ZPLD1: variants seen among roughly 807,000 people sequenced by gnomAD.
The protein encoded by ZPLD1 is zona pellucida like domain containing 1.
In ZPLD1, 34 loss-of-function variants were observed where a neutral mutation model predicts 47.2. That is an observed-to-expected ratio of 0.72 (90% CI 0.55 to 0.96). The LOEUF is 0.96. Among genes scored for constraint, ZPLD1 ranks in the 40% least tolerant of loss-of-function variants. The pLI is 0.00. For synonymous variants in ZPLD1, 176 were observed against 186.2 expected (o/e 0.95, Z 0.45); for missense variants, 512 against 505.8 (o/e 1.01, Z -0.12).
chr3:102,442,528 A>G (rs1342603046), intron 3 of ZPLD1, among the ~76,000 whole-genome samples: 1 of 152,154 alleles, frequency 6.6e-6, no homozygotes, highest in Non-Finnish European at 1.5e-5. Flanking sequence ...AGAAGATCAG[A>G]GTGAGCAAAT....
chr3:102,472,380 A>G (rs1707698824), intron 10 of ZPLD1, among the ~76,000 whole-genome samples: 1 of 152,122 alleles, frequency 6.6e-6, no homozygotes, highest in Admixed American at 6.5e-5. Flanking sequence ...AAAAATACAG[A>G]AATTAGCCAG....
At chr3:102,442,792 G>A (rs946297197) in intron 3 of ZPLD1, among the ~76,000 whole-genome samples, 1 of 152,056 alleles carries the variant, frequency 6.6e-6, no homozygotes, top group Non-Finnish European at 1.5e-5. Context: ...AATTTCCATG[G>A]CATTTATCCT....
Position 102,478,644 on chromosome 3 carries a change from T to C in ZPLD1, c.*1026T>C, listed in dbSNP as rs574819285. 4 of 152,220 alleles carry C rather than the reference T, an allele frequency of 2.6e-5. No individual in the cohort carries two copies. Among genetic ancestry groups the C allele is most frequent in the Non-Finnish European group, 4.4e-5 (3 of 68,038 alleles). 9.4% of individuals were successfully genotyped at this position (152,220 alleles called of 1,614,324 possible). On this transcript the variant is annotated 3_prime_UTR_variant, in exon 12 of 12. Coordinates refer to ENST00000466937, the MANE Select transcript of ZPLD1 (RefSeq NM_001329788.2). ...GCAATAATCAGGAGAGGGTTTCTTT[T>C]TAAGGTATCTTCTTGTAGGTGTCAT...
Position 102,453,067 on chromosome 3 carries a change from C to A in ZPLD1, c.255C>A (p.Asn85Lys). 1 of 1,614,094 alleles carries A rather than the reference C, an allele frequency of 6.2e-7. No individual in the cohort carries two copies. The highest frequency in any genetic ancestry group is 1.3e-5 in the African/African-American group (1 of 75,014). Reference protein sequence around the residue: ...GDSHCRGFINNNTFPAVVIFI... With the variant: ...GDSHCRGFINKNTFPAVVIFI... ...CCCACTGCAGAGGGTTCATCAATAA[C>A]AACACCTTTCCAGCAGTGGTCATTT... Residue 85 changes from asparagine to lysine, a missense_variant, in exon 4 of 12, where the codon AAC becomes AAA. Physicochemically the swap from Asn to Lys is moderately conservative, Grantham distance 94. Transcript: ENST00000466937.
intron 8 of ZPLD1, among the ~76,000 whole-genome samples, chr3:102,427,901 C>T (rs1186235197): frequency 1.3e-5 from 2 of 152,142 alleles, no homozygotes; most frequent in Non-Finnish European, 2.9e-5. Context: ...AAAACTTTCA[C>T]TACCCCTAGA....
At chr3:102,468,325 A>G (rs1849500) in intron 8 of ZPLD1, among the ~76,000 whole-genome samples, 22,698 of 152,218 alleles carry the variant, frequency 0.15, 2,212 homozygotes, top group Middle Eastern at 0.24. Flanking sequence ...TCAACATGAT[A>G]TATTGTAAGA....
chr3:102,446,318 A>C (rs1240702200), intron 3 of ZPLD1, among the ~76,000 whole-genome samples: 2 of 152,230 alleles, frequency 1.3e-5, no homozygotes, highest in African/African-American at 2.4e-5. Flanking sequence ...AAATTACAGA[A>C]AGGCTCATCA....
intron 8 of ZPLD1, among the ~76,000 whole-genome samples, chr3:102,425,637 G>C (rs1318431511): frequency 6.6e-6 from 1 of 152,036 alleles, no homozygotes; most frequent in South Asian, 2.1e-4. Flanking sequence ...TGGTTATTGA[G>C]ATAGGAGCTG....
At chr3:102,440,463 A>G (rs1390473258) in intron 3 of ZPLD1, among the ~76,000 whole-genome samples, 2 of 152,200 alleles carry the variant, frequency 1.3e-5, no homozygotes, top group Non-Finnish European at 2.9e-5. Context: ...TGATGCTGTT[A>G]ACTGACAAAA....
At chr3:102,421,917 T>C (rs1489358963) in intron 8 of ZPLD1, among the ~76,000 whole-genome samples, 1 of 152,052 alleles carries the variant, frequency 6.6e-6, no homozygotes, top group Non-Finnish European at 1.5e-5. Context: ...TCCCATTTTC[T>C]TTTGTATTAA....
chr3:102,438,586 A>G lies in ZPLD1; in HGVS notation c.99A>G (p.Arg33=). The change falls in exon 3 of 12, where the codon AGA becomes AGG. Residue 33 remains arginine, a synonymous_variant. Coordinates refer to ENST00000466937, the MANE Select transcript of ZPLD1 (RefSeq NM_001329788.2). ...ACTGTGATGCCAACCTCCACAGTAGATTTCCTGGTAAGTGTAAGCCTAATC... is the reference window on the plus strand; with the variant it reads ...ACTGTGATGCCAACCTCCACAGTAGGTTTCCTGGTAAGTGTAAGCCTAATC... ...GYNCDANLHS[R]FPAERDISVY... 2 of 1,610,856 alleles carry G rather than the reference A, an allele frequency of 1.2e-6. No individual in the cohort carries two copies. Among genetic ancestry groups the G allele is most frequent in the African/African-American group, 1.3e-5 (1 of 74,966 alleles).
intron 4 of ZPLD1, among the ~76,000 whole-genome samples, chr3:102,454,638 C>T (rs1175734810): frequency 1.3e-5 from 2 of 152,170 alleles, no homozygotes; most frequent in Admixed American, 6.5e-5. Flanking sequence ...GGCAGATCAC[C>T]TGAGGTCAGG....
chr3:102,401,121 A>C (rs1015659871), intron 7 of ZPLD1, among the ~76,000 whole-genome samples: 1 of 152,060 alleles, frequency 6.6e-6, no homozygotes, highest in African/African-American at 2.4e-5. Flanking sequence ...AAAGCATCAA[A>C]AACTTGCCAG....
intron 6 of ZPLD1, among the ~76,000 whole-genome samples, chr3:102,387,307 A>G (rs1297928492): frequency 6.6e-6 from 1 of 152,196 alleles, no homozygotes; most frequent in Non-Finnish European, 1.5e-5. Flanking sequence ...TTACCTATAG[A>G]TTAGTTTTAA....
At chr3:102,385,358 A>T (rs1427233809) in intron 6 of ZPLD1, 1 of 152,136 alleles carries the variant, frequency 6.6e-6, no homozygotes, top group Non-Finnish European at 1.5e-5. Context: ...ACTCACCCAC[A>T]ACTGGTACTA....
chr3:102,387,697 T>G (rs1005425573), intron 6 of ZPLD1, among the ~76,000 whole-genome samples: 1 of 152,168 alleles, frequency 6.6e-6, no homozygotes, highest in Non-Finnish European at 1.5e-5. Flanking sequence ...TGGTAAATTT[T>G]AATCCCTTCT....
intron 8 of ZPLD1, 143 bp from the exon 9 acceptor site, chr3:102,468,821 A>G: frequency 2.8e-6 from 2 of 706,254 alleles, no homozygotes; most frequent in Non-Finnish European, 4.5e-6. Flanking sequence ...AGCTTATGCT[A>G]TGATTAAATA....
intron 3 of ZPLD1, among the ~76,000 whole-genome samples, chr3:102,450,316 G>GTACATACT (rs1352471054): frequency 6.6e-6 from 1 of 152,108 alleles, no homozygotes; most frequent in Non-Finnish European, 1.5e-5. Flanking sequence ...GTTAACACAT[G>GTACATACT]TACATACTTA....
intron 10 of ZPLD1, among the ~76,000 whole-genome samples, chr3:102,476,463 T>G (rs2107361746): frequency 6.6e-6 from 1 of 152,228 alleles, no homozygotes; most frequent in South Asian, 2.1e-4. Context: ...CAACTCAGGC[T>G]CAGGAGTCAT....
Sources: allele counts gnomAD v4.1 joint callset (sites outside exome capture counted in the v4.1 genomes callset), GRCh38; gene constraint gnomAD v4.1.1; transcripts MANE v1.5; gene names NCBI Gene and HGNC (gene_info 2026-07-23, HGNC 2026-07-21).